The following ROR2 variants were observed in gnomAD, a reference collection of about 807,000 sequenced individuals.
ROR2 encodes the protein ROR family WNT receptor 2.
A neutral mutation model predicts 74.9 loss-of-function variants in ROR2; 33 were observed. That is an observed-to-expected ratio of 0.44 (90% CI 0.33 to 0.59). The LOEUF is 0.59. ROR2 is among the 20% of genes least tolerant of loss of function. ROR2 has a pLI of 0.02. For missense variants in ROR2, 1,216 were observed against 1,313.8 expected (o/e 0.93, Z 1.15); for synonymous variants, 586 against 558.7 (o/e 1.05, Z -0.69).
intron 2 of ROR2, among the ~76,000 whole-genome samples, chr9:91,772,867 C>A (rs989298218): frequency 6.6e-6 from 1 of 152,188 alleles, no homozygotes; most frequent in African/African-American, 2.4e-5. Context: ...TGAGAAGTTG[C>A]TCCACTCCCA....
chr9:91,723,675 T>C lies in ROR2; in HGVS notation c.2819A>G (p.Gln940Arg), dbSNP rs1836876090. The C allele has an allele frequency of 3.7e-6, 6 of 1,613,826 alleles. No homozygotes were observed. The highest frequency in any genetic ancestry group is 5.1e-6 in the Non-Finnish European group (6 of 1,179,968). Residue 940 changes from glutamine (Q) to arginine (R), a missense_variant, in exon 9 of 9, where the codon CAG (glutamine) becomes CGG (arginine). Coordinates refer to ENST00000375708, the MANE Select transcript of ROR2 (RefSeq NM_004560.4). ...DTLQVDEAQVQLEA is the reference protein window; with the variant it reads ...DTLQVDEAQVRLEA Reference sequence around the variant, plus strand: ...CCCTGGTGCCACTCAAGCTTCCAGCTGGACTTGGGCCTCGTCCACCTGCAG... The same window carrying C: ...CCCTGGTGCCACTCAAGCTTCCAGCCGGACTTGGGCCTCGTCCACCTGCAG...
Position 91,905,846 on chromosome 9 carries a change from G to A in ROR2, c.97+44021C>T, listed in dbSNP as rs989662080. On this transcript the variant is annotated intron_variant, in intron 1 of 8. Transcript: ENST00000375708. This position sits in a 1 kb window ranked among gnomAD's most constrained non-coding sequence, Gnocchi z 5.3. Reference sequence around the variant, plus strand: ...TCAACTTTTTTTTTTTAAGAGCTAAGAGCAGAGCCTCTCCTGGGGAATTCT... The same window carrying A: ...TCAACTTTTTTTTTTTAAGAGCTAAAAGCAGAGCCTCTCCTGGGGAATTCT... Among the ~76,000 whole-genome samples the A allele has an allele frequency of 6.6e-6, 1 of 151,762 alleles. No homozygotes were observed. Among genetic ancestry groups the A allele is most frequent in the Non-Finnish European group, 1.5e-5 (1 of 67,968 alleles).
At chr9:91,803,674 G>A (rs1827461468) in intron 1 of ROR2, among the ~76,000 whole-genome samples, 1 of 152,234 alleles carries the variant, frequency 6.6e-6, no homozygotes. Flanking sequence ...GGACATACAC[G>A]GATGTGTTTC....
intron 1 of ROR2, among the ~76,000 whole-genome samples, chr9:91,917,171 C>T (rs1162858763): frequency 1.3e-5 from 2 of 152,194 alleles, no homozygotes; most frequent in African/African-American, 4.8e-5. Flanking sequence ...TTTGGTCTGG[C>T]ATGAATTTCA....
chr9:91,727,190 C>T (rs749792887), intron 7 of ROR2, among the ~76,000 whole-genome samples: 3 of 152,254 alleles, frequency 2.0e-5, no homozygotes, highest in East Asian at 3.9e-4. Flanking sequence ...GGATTAGACA[C>T]GATCCTTTTC....
intron 4 of ROR2, among the ~76,000 whole-genome samples, chr9:91,738,443 T>C (rs1242937879): frequency 1.3e-5 from 2 of 152,172 alleles, no homozygotes; most frequent in Admixed American, 6.5e-5. Flanking sequence ...TACATGCACA[T>C]ACCCAGAACA....
rs201360421 is a variant in ROR2 at position 91,869,304 on chromosome 9, A to ACCTCAG, written c.97+80557_97+80562dup. ...ACTCTTGGCCTCAAGCAATCCTCCC[A>ACCTCAG]CCTCAGCCTCTCAAGTCACCAGGAT... is the stretch of plus-strand genomic sequence containing the variant. On this transcript the variant is annotated intron_variant, in intron 1 of 8. Transcript: ENST00000375708. 1.1e-3 allele frequency among the ~76,000 whole-genome samples: 171 copies of ACCTCAG among 152,106 alleles called. 1 individual carries two copies. In the East Asian group the frequency reaches 0.019, roughly 17 times the overall value.
intron 1 of ROR2, among the ~76,000 whole-genome samples, chr9:91,852,332 T>C (rs887904942): frequency 9.9e-5 from 15 of 152,194 alleles, no homozygotes; most frequent in Admixed American, 3.9e-4. Context: ...ATTTGCTTAA[T>C]TTAGCTTCCC....
chr9:91,948,300 A>G (rs931676483), intron 1 of ROR2, among the ~76,000 whole-genome samples: 8 of 152,218 alleles, frequency 5.3e-5, no homozygotes, highest in African/African-American at 1.9e-4. Context: ...GCCGCCCAAC[A>G]GCACGTCCAG....
intron 4 of ROR2, 68 bp downstream of exon 4, chr9:91,756,002 AC>A: frequency 6.5e-7 from 1 of 1,546,190 alleles, no homozygotes; most frequent in Non-Finnish European, 8.9e-7. Flanking sequence ...CAGGATTTAA[AC>A]CCCGGATTCC....
At chr9:91,740,100 G>A (rs950552165) in intron 4 of ROR2, among the ~76,000 whole-genome samples, 1 of 152,186 alleles carries the variant, frequency 6.6e-6, no homozygotes, top group African/African-American at 2.4e-5. Context: ...TGTTCCCCCT[G>A]TTGCAGGCTT....
chr9:91,780,156 C>T (rs901262914), intron 1 of ROR2, among the ~76,000 whole-genome samples: 12 of 152,152 alleles, frequency 7.9e-5, no homozygotes, highest in Admixed American at 2.6e-4. Flanking sequence ...CTTTGGGAGG[C>T]CAAGGCGGGT....
At chr9:91,927,542 G>A (rs576490469) in intron 1 of ROR2, among the ~76,000 whole-genome samples, 20 of 145,022 alleles carry the variant, frequency 1.4e-4, no homozygotes, top group African/African-American at 5.0e-4. Flanking sequence ...CTCTGTGGCT[G>A]GCTCTGTGTT....
chr9:91,936,348 C>T (rs569485462), intron 1 of ROR2, among the ~76,000 whole-genome samples: 2 of 152,128 alleles, frequency 1.3e-5, no homozygotes, highest in African/African-American at 4.8e-5. Flanking sequence ...TGAGGGTCCT[C>T]GGCTGTCCAT....
chr9:91,894,899 T>C (rs965146870), intron 1 of ROR2, among the ~76,000 whole-genome samples: 6 of 152,192 alleles, frequency 3.9e-5, no homozygotes, highest in Admixed American at 3.9e-4. Context: ...AAACACACTC[T>C]TACCCTATGT....
intron 1 of ROR2, among the ~76,000 whole-genome samples, chr9:91,788,826 A>G (rs146356133): frequency 4.5e-4 from 67 of 148,700 alleles, no homozygotes; most frequent in African/African-American, 1.4e-3. Flanking sequence ...ATGGTGCCGC[A>G]CTCCAGCCTG....
chr9:91,862,829 C>T (rs748491371), intron 1 of ROR2, among the ~76,000 whole-genome samples: 8 of 152,198 alleles, frequency 5.3e-5, no homozygotes, highest in Middle Eastern at 3.2e-3. Context: ...CCCCAGTCTA[C>T]GGTATTTTGT....
At chr9:91,928,993 T>C (rs1323441808) in intron 1 of ROR2, among the ~76,000 whole-genome samples, 1 of 152,212 alleles carries the variant, frequency 6.6e-6, no homozygotes, top group African/African-American at 2.4e-5. Flanking sequence ...GCCTGCACAG[T>C]ATCACTGCTT....
intron 1 of ROR2, among the ~76,000 whole-genome samples, chr9:91,783,745 A>G (rs989345792): frequency 6.6e-6 from 1 of 152,148 alleles, no homozygotes; most frequent in Admixed American, 6.5e-5. Context: ...CACACCAGGG[A>G]TGGAGGTGGA....
Sources: allele counts gnomAD v4.1 joint callset (sites outside exome capture counted in the v4.1 genomes callset), GRCh38; gene constraint gnomAD v4.1.1; non-coding constraint Gnocchi (gnomAD v3.1); transcripts MANE v1.5; gene names NCBI Gene and HGNC (gene_info 2026-07-23, HGNC 2026-07-21).